The following OSBPL10 variants were observed in gnomAD, a reference collection of about 807,000 sequenced individuals.
The protein encoded by OSBPL10 is oxysterol binding protein like 10, also known as oxysterol-binding protein-related protein 10.
In OSBPL10, 49 loss-of-function variants were observed where a neutral mutation model predicts 81.7. The ratio of observed to expected loss-of-function variants is 0.60; its 90% CI spans 0.48 to 0.76. The LOEUF (loss-of-function observed/expected upper bound fraction) is 0.76. Ranked by LOEUF, OSBPL10 falls within the 30% of genes least tolerant of loss-of-function variation. OSBPL10 has a pLI of 0.00. For synonymous variants in OSBPL10, 419 were observed against 383.6 expected, an observed-to-expected ratio of 1.09 and a Z score of -1.08; for missense variants, 923 against 987.8, an observed-to-expected ratio of 0.93 and a Z score of 0.88.
At chr3:31,719,977 T>C (rs967356428) in intron 6 of OSBPL10, among the ~76,000 whole-genome samples, 5 of 150,956 alleles carry the variant, frequency 3.3e-5, no homozygotes, top group African/African-American at 7.3e-5. Flanking sequence ...TATTGTCTAA[T>C]TGACAATTGA....
At chr3:31,889,878 TTGTA>T (rs59433775) in intron 1 of OSBPL10, among the ~76,000 whole-genome samples, 3,531 of 152,250 alleles carry the variant, frequency 0.023, 126 homozygotes, top group African/African-American at 0.077. Flanking sequence ...TCATGGTATG[TTGTA>T]TGTCTCAAAA....
At chr3:32,016,641 T>C (rs1699315468) in intron 2 of OSBPL10, among the ~76,000 whole-genome samples, 1 of 152,232 alleles carries the variant, frequency 6.6e-6, no homozygotes, top group African/African-American at 2.4e-5. Context: ...AAAAGCTTTA[T>C]ATCGATGTTC....
At chr3:31,705,258 C>G (rs1696021684) in intron 6 of OSBPL10, among the ~76,000 whole-genome samples, 1 of 152,178 alleles carries the variant, frequency 6.6e-6, no homozygotes, top group Non-Finnish European at 1.5e-5. Flanking sequence ...CCTACCCAGC[C>G]TCAAGTAAAT....
intron 6 of OSBPL10, among the ~76,000 whole-genome samples, chr3:31,732,022 A>C (rs555580144): frequency 1.9e-4 from 29 of 152,238 alleles, no homozygotes; most frequent in Non-Finnish European, 4.3e-4. Flanking sequence ...AGCCCCAGTT[A>C]GGTTTTGCCC....
At chr3:31,829,295 T>G (rs892730240) in intron 4 of OSBPL10, among the ~76,000 whole-genome samples, 6 of 152,158 alleles carry the variant, frequency 3.9e-5, no homozygotes, top group Admixed American at 1.3e-4. Context: ...TGAGAGTCTG[T>G]TCTCTATAAC....
intron 3 of OSBPL10, among the ~76,000 whole-genome samples, chr3:31,833,611 A>G (rs1700297692): frequency 6.6e-6 from 1 of 151,982 alleles, no homozygotes; most frequent in African/African-American, 2.4e-5. Flanking sequence ...ATTTTCTACA[A>G]GGTCAGACTG....
intron 1 of OSBPL10, among the ~76,000 whole-genome samples, chr3:32,052,987 A>C (rs1381108367): frequency 2.0e-5 from 3 of 152,032 alleles, no homozygotes; most frequent in Admixed American, 2.0e-4. Flanking sequence ...AAATTGATTG[A>C]CTTACCTGCC....
At chr3:32,036,410 C>G (rs552976839) in intron 2 of OSBPL10, among the ~76,000 whole-genome samples, 55 of 152,270 alleles carry the variant, frequency 3.6e-4, no homozygotes, top group African/African-American at 1.3e-3. Flanking sequence ...TTGCCACTGC[C>G]CAGGTGGCAC....
At chr3:31,916,096 CAAAAAAA>C (rs1160687382) in intron 1 of OSBPL10, among the ~76,000 whole-genome samples, 1 of 82,488 alleles carries the variant, frequency 1.2e-5, no homozygotes, top group Non-Finnish European at 2.7e-5. Context: ...AACTCCGTCT[CAAAAAAA>C]AAAAAAAAAA....
intron 1 of OSBPL10, among the ~76,000 whole-genome samples, chr3:31,962,739 TAA>T: frequency 6.6e-6 from 1 of 152,308 alleles, no homozygotes; most frequent in Admixed American, 6.5e-5. Context: ...CAGGAGCACA[TAA>T]AGTCTTGTCT....
At chr3:32,067,052 C>T (rs889965758) in intron 1 of OSBPL10, among the ~76,000 whole-genome samples, 1 of 152,136 alleles carries the variant, frequency 6.6e-6, no homozygotes, top group African/African-American at 2.4e-5. Context: ...GTTAACCAAA[C>T]TGTTTTTGGA....
chr3:31,870,496 T>C (rs1452467465), intron 3 of OSBPL10, among the ~76,000 whole-genome samples: 1 of 152,028 alleles, frequency 6.6e-6, no homozygotes, highest in Non-Finnish European at 1.5e-5. Flanking sequence ...GGCTGAGGAG[T>C]GCGAATGCAT....
At chr3:32,003,045 G>A (rs529089905) in intron 2 of OSBPL10, among the ~76,000 whole-genome samples, 1 of 152,350 alleles carries the variant, frequency 6.6e-6, no homozygotes, top group South Asian at 2.1e-4. Flanking sequence ...GAAGCTGGCC[G>A]AACGAAAGTG....
chr3:31,942,458 C>G (rs1247279071), intron 1 of OSBPL10, among the ~76,000 whole-genome samples: 1 of 111,384 alleles, frequency 9.0e-6, no homozygotes, highest in Non-Finnish European at 2.2e-5. Context: ...TCCTTTGAAC[C>G]CAGGAGTTGG....
intron 4 of OSBPL10, among the ~76,000 whole-genome samples, chr3:31,828,383 G>T (rs1457776891): frequency 5.3e-5 from 8 of 152,106 alleles, no homozygotes; most frequent in Admixed American, 2.6e-4. Flanking sequence ...TGGATATAGG[G>T]TTGCATTACT....
At chr3:31,926,624 A>G (rs1189379337) in intron 1 of OSBPL10, among the ~76,000 whole-genome samples, 2 of 152,174 alleles carry the variant, frequency 1.3e-5, no homozygotes, top group Non-Finnish European at 2.9e-5. Flanking sequence ...GTAACATAAG[A>G]CAAGTAAAAA....
chr3:31,911,129 A>G (rs1226808191), intron 1 of OSBPL10, among the ~76,000 whole-genome samples: 6 of 152,204 alleles, frequency 3.9e-5, no homozygotes, highest in Non-Finnish European at 7.3e-5. Context: ...AAGAAGACAC[A>G]GGGCCAGGGG....
intron 6 of OSBPL10, among the ~76,000 whole-genome samples, chr3:31,715,511 T>C (rs1559430238): frequency 6.6e-6 from 1 of 152,240 alleles, no homozygotes; most frequent in Non-Finnish European, 1.5e-5. Context: ...CTGCCATGTC[T>C]ATCTTTCCTT....
intron 7 of OSBPL10, among the ~76,000 whole-genome samples, chr3:31,689,292 G>T (rs1700881434): frequency 6.6e-6 from 1 of 152,112 alleles, no homozygotes; most frequent in Non-Finnish European, 1.5e-5. Context: ...CATAATCTGG[G>T]TTGGATTCTG....
Sources: gnomAD v4.1 joint callset for allele counts (sites outside exome capture counted in the v4.1 genomes callset) on GRCh38, gnomAD v4.1.1 for gene constraint, MANE v1.5 for transcripts, NCBI Gene and HGNC (gene_info 2026-07-23, HGNC 2026-07-21) for gene names.